The following MILR1 variants were observed in gnomAD, a reference collection of about 807,000 sequenced individuals.
MILR1 encodes the protein allergin-1.
A neutral mutation model predicts 18.5 loss-of-function variants in MILR1; 31 were observed. The observed-to-expected ratio is 1.68, with a 90% confidence interval of 1.26 to 2.26. The LOEUF is 2.26. Ranked by LOEUF, MILR1 falls within the 30% of genes most tolerant of loss-of-function variation. The pLI is 0.00. For synonymous variants in MILR1, 85 were observed against 56.2 expected, an observed-to-expected ratio of 1.51 and a Z score of -2.30; for missense variants, 257 against 157.4, an observed-to-expected ratio of 1.63 and a Z score of -3.38.
downstream of MILR1, among the ~76,000 whole-genome samples, chr17:64,473,517 T>G (rs1172942728): frequency 6.6e-6 from 1 of 152,044 alleles, no homozygotes; most frequent in Non-Finnish European, 1.5e-5. Context: ...GTGCCTTACC[T>G]CTGACTCTTC....
downstream of MILR1, among the ~76,000 whole-genome samples, chr17:64,469,156 A>G (rs1179848261): frequency 6.6e-6 from 1 of 152,072 alleles, no homozygotes; most frequent in Non-Finnish European, 1.5e-5. Flanking sequence ...AAGAGAGAAA[A>G]GAAGAGAAAC....
the MILR1 span, among the ~76,000 whole-genome samples, chr17:64,492,265 TTCAAC>T: frequency 1.9e-4 from 29 of 152,230 alleles, no homozygotes; most frequent in Non-Finnish European, 3.8e-4. Flanking sequence ...AAATGCTTAC[TTCAAC>T]TCTTTTTTTT....
the MILR1 span, chr17:64,478,078 C>T: frequency 1.5e-6 from 2 of 1,355,154 alleles, no homozygotes; most frequent in Non-Finnish European, 2.1e-6. Flanking sequence ...TGTTCATGCA[C>T]TCTCAAGAGT....
At chr17:64,478,224 G>A in the MILR1 span, among the ~76,000 whole-genome samples, 1 of 152,260 alleles carries the variant, frequency 6.6e-6, no homozygotes, top group African/African-American at 2.4e-5. Context: ...AATAAAATCT[G>A]AGAATAAACA....
chr17:64,496,749 G>C, the MILR1 span: 1 of 1,614,002 alleles, frequency 6.2e-7, no homozygotes, highest in Non-Finnish European at 8.5e-7. Flanking sequence ...TGCCTTCTCT[G>C]ACAGATCTCT....
chr17:64,497,129 C>T, the MILR1 span: 3 of 733,168 alleles, frequency 4.1e-6, no homozygotes, highest in Non-Finnish European at 7.1e-6. Flanking sequence ...GTCTGCGTTC[C>T]GGCCGCAGCC....
the MILR1 span, among the ~76,000 whole-genome samples, chr17:64,476,995 G>C: frequency 6.6e-6 from 1 of 152,082 alleles, no homozygotes; most frequent in Non-Finnish European, 1.5e-5. Context: ...AAAGTTAAAA[G>C]ATTTCTTATA....
chr17:64,472,772 C>T (rs2037709850), downstream of MILR1, among the ~76,000 whole-genome samples: 1 of 151,940 alleles, frequency 6.6e-6, no homozygotes, highest in African/African-American at 2.4e-5. Flanking sequence ...TGTGTGAGTA[C>T]ACTCTATGCT....
downstream of MILR1, among the ~76,000 whole-genome samples, chr17:64,473,461 G>C (rs2037722468): frequency 6.6e-6 from 1 of 152,090 alleles, no homozygotes; most frequent in African/African-American, 2.4e-5. Flanking sequence ...GTGATGACTG[G>C]AGTTCATTTC....
chr17:64,455,457 A>AAATCTC (rs2037270768), intron 3 of MILR1, among the ~76,000 whole-genome samples: 2 of 151,804 alleles, frequency 1.3e-5, no homozygotes, highest in East Asian at 3.9e-4. Context: ...ACTCATCAAA[A>AAATCTC]AAAAATTTTT....
downstream of MILR1, among the ~76,000 whole-genome samples, chr17:64,473,166 G>A (rs1375782289): frequency 6.6e-6 from 1 of 152,026 alleles, no homozygotes; most frequent in East Asian, 1.9e-4. Flanking sequence ...TGGCTAACAC[G>A]ATGAAACCCC....
the MILR1 span, among the ~76,000 whole-genome samples, chr17:64,479,471 C>T: frequency 1.3e-5 from 2 of 152,040 alleles, no homozygotes; most frequent in Non-Finnish European, 1.5e-5. Context: ...AGGTGTGAGC[C>T]ACTGCGCCCA....
At chr17:64,481,441 G>C in the MILR1 span, 1 of 984,742 alleles carries the variant, frequency 1.0e-6, no homozygotes, top group Non-Finnish European at 1.2e-6. Context: ...ACTGCTGAAG[G>C]AGTCTCTGGA....
At position 64,467,558 on chromosome 17, in the gene MILR1, A is replaced by T; in HGVS notation, c.980-7A>T. 1 of 1,494,788 alleles carries T rather than the reference A, an allele frequency of 6.7e-7. No individual in the cohort carries two copies. Among genetic ancestry groups the T allele is most frequent in the East Asian group, 2.3e-5 (1 of 43,160 alleles). The allele number at this position is 1,494,788 out of a possible 1,614,324, so 92.6% of individuals were successfully genotyped here. ...CTAAGTAAATTATTTTCCCTTTTATATTTCAGAAGCCTGTGATTCTTATAA... is the reference window on the plus strand; with the variant it reads ...CTAAGTAAATTATTTTCCCTTTTATTTTTCAGAAGCCTGTGATTCTTATAA... On this transcript the variant is annotated splice_region_variant and splice_polypyrimidine_tract_variant and intron_variant, in intron 8 of 9. Transcript: ENST00000619286.
At chr17:64,466,724 A>G in intron 8 of MILR1, 62 bp downstream of exon 8, 1 of 1,409,430 alleles carries the variant, frequency 7.1e-7, no homozygotes, top group Non-Finnish European at 9.8e-7. Context: ...CTCTGATGTC[A>G]TTATATTCAG....
intron 3 of MILR1, among the ~76,000 whole-genome samples, chr17:64,457,113 AGG>A (rs1270235225): frequency 6.6e-6 from 1 of 152,200 alleles, no homozygotes; most frequent in Admixed American, 6.5e-5. Flanking sequence ...TGTGAATTCT[AGG>A]AAGGGCAAGC....
the MILR1 span, among the ~76,000 whole-genome samples, chr17:64,494,548 C>A: frequency 2.0e-5 from 3 of 152,142 alleles, no homozygotes; most frequent in African/African-American, 7.2e-5. Flanking sequence ...TCCATAGCTT[C>A]TGTAAAAACA....
the MILR1 span, chr17:64,485,389 C>T: frequency 2.7e-5 from 8 of 298,576 alleles, no homozygotes; most frequent in East Asian, 9.3e-5. Flanking sequence ...CTCCCTGATC[C>T]GGGTCTTTCT....
At chr17:64,492,273 T>C in the MILR1 span, among the ~76,000 whole-genome samples, 1,566 of 151,604 alleles carry the variant, frequency 0.01, 23 homozygotes, top group African/African-American at 0.036. Flanking sequence ...ACTTCAACTC[T>C]TTTTTTTTCA....
Sources: allele counts gnomAD v4.1 joint callset (sites outside exome capture counted in the v4.1 genomes callset), GRCh38; gene constraint gnomAD v4.1.1; transcripts MANE v1.5; gene names NCBI Gene and HGNC (gene_info 2026-07-23, HGNC 2026-07-21).